AGBL1: variants seen among roughly 807,000 people sequenced by gnomAD.
The protein encoded by AGBL1 is AGBL carboxypeptidase 1.
In AGBL1, 130 loss-of-function variants were observed where a neutral mutation model predicts 118.9. The observed-to-expected ratio is 1.09, with a 90% CI of 0.95 to 1.26. The LOEUF (loss-of-function observed/expected upper bound fraction) is 1.26, where lower values mean the gene tolerates loss of function less well. Ranked by LOEUF, AGBL1 falls within the 50% of genes most tolerant of loss-of-function variation. The pLI is 0.00. For synonymous variants in AGBL1, 555 were observed against 478.9 expected (o/e 1.16, Z -2.08); for missense variants, 1,584 against 1,298.1 (o/e 1.22, Z -3.38).
intron 22 of AGBL1, among the ~76,000 whole-genome samples, chr15:86,773,009 G>A (rs1249344341): frequency 6.6e-6 from 1 of 151,994 alleles, no homozygotes; most frequent in East Asian, 1.9e-4. Context: ...CTGGAAGCCT[G>A]CATGACAAAC....
intron 1 of AGBL1, among the ~76,000 whole-genome samples, chr15:86,118,114 ATC>A (rs1897873129): frequency 6.6e-6 from 1 of 152,158 alleles, no homozygotes; most frequent in East Asian, 1.9e-4. Context: ...TACTCAGAAA[ATC>A]TCTCTTTCAA....
In AGBL1 at chr15:86,669,131, A is replaced by G. The variant is rs571219274; in HGVS notation, c.2995-5142A>G. Among the ~76,000 whole-genome samples, 19 of 152,336 alleles carry G rather than the reference A, an allele frequency of 1.2e-4. No homozygotes were observed. In the South Asian group the frequency reaches 3.5e-3, roughly 28 times the overall value. ...AAAAAAGTTTAGCATTTTAAAAATTATAAAATAATTGAGCAAACAGGACTA... is the reference window on the plus strand; with the variant it reads ...AAAAAAGTTTAGCATTTTAAAAATTGTAAAATAATTGAGCAAACAGGACTA... On this transcript the variant is annotated intron_variant, in intron 21 of 22. Transcript: ENST00000614907.
intron 18 of AGBL1, among the ~76,000 whole-genome samples, chr15:86,457,872 T>C (rs1452509582): frequency 1.3e-5 from 2 of 152,186 alleles, no homozygotes; most frequent in Non-Finnish European, 1.5e-5. Flanking sequence ...AAGACCTCTC[T>C]GGGCCTGGGA....
chr15:86,126,237 A>C (rs924504837), intron 1 of AGBL1, among the ~76,000 whole-genome samples: 2 of 152,184 alleles, frequency 1.3e-5, no homozygotes, highest in Admixed American at 1.3e-4. Context: ...GGTGTGAACT[A>C]TAAGAAAGAT....
At chr15:86,701,236 G>T (rs1207104879) in intron 22 of AGBL1, among the ~76,000 whole-genome samples, 1 of 152,112 alleles carries the variant, frequency 6.6e-6, no homozygotes, top group Non-Finnish European at 1.5e-5. Context: ...CACAGAGAAG[G>T]AGACAAGAGA....
chr15:86,607,296 T>C (rs377141704), intron 21 of AGBL1, among the ~76,000 whole-genome samples: 11 of 152,320 alleles, frequency 7.2e-5, no homozygotes, highest in East Asian at 3.9e-4. Flanking sequence ...GGGGTTTCTA[T>C]TTCAAGCCCT....
rs57967040 is a variant in AGBL1 at position 86,100,368 on chromosome 15, C to T, written c.51+20345C>T. On this transcript the variant is annotated intron_variant, in intron 1 of 22. Transcript: ENST00000614907. ...AGAATGAATTAGGGAGAATTCTCAC[C>T]TCTTCAATTTTTTGGAATAGTTTGA... Among the ~76,000 whole-genome samples, 439 of 152,186 alleles carry T rather than the reference C, an allele frequency of 2.9e-3. 3 individuals are homozygous for T. Among genetic ancestry groups the T allele is most frequent in the African/African-American group, 9.5e-3 (394 of 41,526 alleles).
chr15:86,166,557 G>C (rs1221419419), intron 5 of AGBL1, among the ~76,000 whole-genome samples: 1 of 152,096 alleles, frequency 6.6e-6, no homozygotes, highest in Non-Finnish European at 1.5e-5. Context: ...GCCATCCAGG[G>C]GGGCTCTAGT....
At chr15:86,206,847 G>C (rs61541338) in intron 5 of AGBL1, among the ~76,000 whole-genome samples, 1 of 152,142 alleles carries the variant, frequency 6.6e-6, no homozygotes, top group Non-Finnish European at 1.5e-5. Flanking sequence ...GGCATTTGTT[G>C]CCATTGCTTT....
At chr15:86,403,537 G>T (rs1485732836) in intron 18 of AGBL1, among the ~76,000 whole-genome samples, 4 of 152,034 alleles carry the variant, frequency 2.6e-5, no homozygotes, top group African/African-American at 9.7e-5. Flanking sequence ...CTCCACTGTG[G>T]GTTGTGAAGA....
intron 18 of AGBL1, among the ~76,000 whole-genome samples, chr15:86,448,162 A>C (rs2082148703): frequency 6.6e-6 from 1 of 152,206 alleles, no homozygotes; most frequent in African/African-American, 2.4e-5. Flanking sequence ...AAAAATAAGA[A>C]GTATCGAAAC....
chr15:86,692,395 T>C lies in AGBL1; in HGVS notation c.3158+17959T>C, dbSNP rs182320091. Among the ~76,000 whole-genome samples, 11 of 152,030 alleles carry C rather than the reference T, an allele frequency of 7.2e-5. No homozygotes were observed. In the East Asian group the frequency reaches 9.7e-4, roughly 13 times the overall value. On this transcript the variant is annotated intron_variant, in intron 22 of 22. Transcript: ENST00000614907. ...GGGAAAAGCAGAAGTGGGAAGTTAGTATCACCCTTAGTGAGGAAGAGGGTG... is the reference window on the plus strand; with the variant it reads ...GGGAAAAGCAGAAGTGGGAAGTTAGCATCACCCTTAGTGAGGAAGAGGGTG...
At position 86,421,877 on chromosome 15, in the gene AGBL1, G is replaced by A. The variant is rs2081795833; in HGVS notation, c.2555+24331G>A. On this transcript the variant is annotated intron_variant, in intron 18 of 22. Transcript: ENST00000614907. ...GAAGGGCCTTACATAATGGGAAAGGGATCAATGCAACAAGAAGAGCTAACT... is the reference window on the plus strand; with the variant it reads ...GAAGGGCCTTACATAATGGGAAAGGAATCAATGCAACAAGAAGAGCTAACT... Among the ~76,000 whole-genome samples, 4 of 152,296 alleles carry A rather than the reference G, an allele frequency of 2.6e-5. No individual in the cohort carries two copies. The South Asian group carries it at 8.3e-4, about 32-fold the overall frequency.
chr15:86,556,646 G>T lies in AGBL1; in HGVS notation c.2994+2109G>T, dbSNP rs1237261760. ...GTAAGGTACATAATGCAGTCTATGA[G>T]CTACAAAGCAGTATAGAAATTTCCA... On this transcript the variant is annotated intron_variant, in intron 21 of 22. Transcript: ENST00000614907. Among the ~76,000 whole-genome samples the T allele has an allele frequency of 2.6e-5, 4 of 152,260 alleles. No individual in the cohort carries two copies. In the East Asian group the frequency reaches 7.7e-4, roughly 29 times the overall value.
intron 22 of AGBL1, 49 bp downstream of exon 22, chr15:86,674,485 T>C (rs1032135565): frequency 7.7e-6 from 12 of 1,562,386 alleles, no homozygotes; most frequent in Non-Finnish European, 1.0e-5. Context: ...GGTGGTTCCA[T>C]TGCTCAATAT....
chr15:86,564,383 T>C (rs368066030), intron 21 of AGBL1, among the ~76,000 whole-genome samples: 1 of 152,122 alleles, frequency 6.6e-6, no homozygotes, highest in Non-Finnish European at 1.5e-5. Flanking sequence ...TTCTCCTTCA[T>C]TTATGAAGCT....
intron 23 of AGBL1, among the ~76,000 whole-genome samples, chr15:86,949,559 G>A (rs1324403860): frequency 6.6e-6 from 1 of 151,962 alleles, no homozygotes; most frequent in East Asian, 1.9e-4. Context: ...TAATAATAAA[G>A]TAGACTCTGA....
chr15:86,205,034 A>G (rs1007082565), intron 5 of AGBL1, among the ~76,000 whole-genome samples: 3 of 152,196 alleles, frequency 2.0e-5, no homozygotes, highest in South Asian at 2.1e-4. Flanking sequence ...ATACAGAGTA[A>G]TTTCACTGCT....
At chr15:86,842,610 T>G (rs1000483545) in intron 22 of AGBL1, among the ~76,000 whole-genome samples, 2 of 152,216 alleles carry the variant, frequency 1.3e-5, no homozygotes, top group Admixed American at 1.3e-4. Context: ...CATGCTAATA[T>G]AAAGAAATGC....
Sources: allele counts gnomAD v4.1 joint callset (sites outside exome capture counted in the v4.1 genomes callset), GRCh38; gene constraint gnomAD v4.1.1; transcripts MANE v1.5; gene names NCBI Gene and HGNC (gene_info 2026-07-23, HGNC 2026-07-21).